Variants in CFAP47 observed in about 807,000 individuals in gnomAD.
CFAP47 encodes cilia and flagella associated protein 47.
In CFAP47, 29 loss-of-function variants were observed where a neutral mutation model predicts 148.1. That is an observed-to-expected ratio of 0.20 (90% CI 0.15 to 0.27). The LOEUF (loss-of-function observed/expected upper bound fraction) is 0.27. Ranked by LOEUF, CFAP47 falls within the 10% of genes least tolerant of loss-of-function variation. CFAP47 has a pLI of 1.00. For missense variants in CFAP47, 1,872 were observed against 1,697.5 expected (o/e 1.10, Z -1.81); for synonymous variants, 664 against 577.3 (o/e 1.15, Z -2.15).
intron 22 of CFAP47, among the ~76,000 whole-genome samples, chrX:36,019,877 AAAC>A (rs1937138367): frequency 8.9e-6 from 1 of 111,894 alleles, no homozygotes; most frequent in Non-Finnish European, 1.9e-5. Flanking sequence ...TAACTCTTCA[AAAC>A]AACAACTTTT....
At chrX:35,921,093 CTAGA>C (rs1438227326) in intron 1 of CFAP47, among the ~76,000 whole-genome samples, 1 of 110,831 alleles carries the variant, frequency 9.0e-6, no homozygotes, top group Non-Finnish European at 1.9e-5. Flanking sequence ...AGATAGATAG[CTAGA>C]TAGATAATCT....
intron 1 of CFAP47, among the ~76,000 whole-genome samples, chrX:35,923,847 G>A (rs962516644): frequency 4.3e-4 from 41 of 95,531 alleles, no homozygotes; most frequent in Admixed American, 2.2e-3. Context: ...ATATATATAT[G>A]TGTGTATATA....
chrX:36,193,807 C>G (rs1555986871), intron 42 of CFAP47, among the ~76,000 whole-genome samples: 1 of 111,571 alleles, frequency 9.0e-6, no homozygotes, highest in Non-Finnish European at 1.9e-5. Flanking sequence ...ATAAGCAGTG[C>G]AGACTTTTTC....
At chrX:36,157,827 T>C (rs988444705) in intron 37 of CFAP47, among the ~76,000 whole-genome samples, 1 of 111,501 alleles carries the variant, frequency 9.0e-6, no homozygotes, top group Non-Finnish European at 1.9e-5. Flanking sequence ...CTGGAAATAG[T>C]CTAAATCACT....
At chrX:36,301,026 A>G (rs1556007723) in intron 52 of CFAP47, 46 bp from the exon 53 acceptor site, 3 of 799,425 alleles carry the variant, frequency 3.8e-6, no homozygotes, top group Admixed American at 5.6e-5. Flanking sequence ...AATTTATTAC[A>G]CAAACTAAAA....
intron 30 of CFAP47, among the ~76,000 whole-genome samples, chrX:36,087,326 G>T (rs1050992805): frequency 8.9e-6 from 1 of 112,340 alleles, no homozygotes; most frequent in African/African-American, 3.2e-5. Flanking sequence ...GCATGGATAG[G>T]TGGGGGTGAA....
chrX:36,153,921 C>T (rs944085247), intron 37 of CFAP47, among the ~76,000 whole-genome samples: 2 of 111,836 alleles, frequency 1.8e-5, no homozygotes, highest in South Asian at 7.5e-4. Context: ...ATTATTCTGT[C>T]TCTCAGGCCC....
chrX:36,032,265 A>G (rs1937288324), intron 23 of CFAP47, among the ~76,000 whole-genome samples: 1 of 110,213 alleles, frequency 9.1e-6, no homozygotes, highest in African/African-American at 3.3e-5. Context: ...CACCAATAGC[A>G]TTCTCTCTTT....
At chrX:36,085,559 A>T in intron 30 of CFAP47, 21 bp downstream of exon 30, 2 of 973,847 alleles carry the variant, frequency 2.1e-6, no homozygotes, top group Non-Finnish European at 2.9e-6. Flanking sequence ...GGATGTGCTC[A>T]TATAAGCATA....
intron 51 of CFAP47, among the ~76,000 whole-genome samples, chrX:36,288,610 C>A (rs1054659036): frequency 8.9e-6 from 1 of 112,357 alleles, no homozygotes; most frequent in South Asian, 3.7e-4. Flanking sequence ...TTATAAACAA[C>A]CTTCAATGAA....
intron 36 of CFAP47, among the ~76,000 whole-genome samples, chrX:36,146,448 T>C (rs1939234351): frequency 8.9e-6 from 1 of 112,124 alleles, no homozygotes; most frequent in South Asian, 3.6e-4. Flanking sequence ...TTGCTAGAAA[T>C]AATGCTCATA....
At chrX:35,975,525 G>T in intron 14 of CFAP47, 147 bp from the exon 15 acceptor site, 1 of 663,332 alleles carries the variant, frequency 1.5e-6, no homozygotes, top group Non-Finnish European at 2.3e-6. Context: ...TAGTTTAGTA[G>T]CAATCTAATT....
At chrX:36,130,362 A>G (rs1478136877) in intron 33 of CFAP47, among the ~76,000 whole-genome samples, 1 of 111,538 alleles carries the variant, frequency 9.0e-6, no homozygotes, top group African/African-American at 3.3e-5. Flanking sequence ...TGCAAATCAA[A>G]ACTACAGTGA....
intron 39 of CFAP47, among the ~76,000 whole-genome samples, chrX:36,168,763 G>C (rs1286091413): frequency 9.0e-6 from 1 of 111,551 alleles, no homozygotes; most frequent in Non-Finnish European, 1.9e-5. Flanking sequence ...CAAATATAAA[G>C]AGTTGCAAAG....
At chrX:36,077,025 T>G (rs1937872227) in intron 29 of CFAP47, among the ~76,000 whole-genome samples, 1 of 109,586 alleles carries the variant, frequency 9.1e-6, no homozygotes, top group African/African-American at 3.3e-5. Flanking sequence ...TTTTGTTGAC[T>G]GTGTTGAAGA....
At chrX:36,235,091 T>G (rs990935704) in intron 46 of CFAP47, among the ~76,000 whole-genome samples, 1 of 111,334 alleles carries the variant, frequency 9.0e-6, no homozygotes, top group South Asian at 3.8e-4. Flanking sequence ...GAGGAGGTAG[T>G]CTGCCCGTTC....
intron 58 of CFAP47, among the ~76,000 whole-genome samples, chrX:36,348,640 G>C (rs1488037843): frequency 9.0e-6 from 1 of 110,759 alleles, no homozygotes; most frequent in African/African-American, 3.3e-5. Flanking sequence ...TAAATAATCA[G>C]TATACAGAGG....
At chrX:36,337,041 A>G (rs1490998209) in intron 57 of CFAP47, among the ~76,000 whole-genome samples, 3 of 112,281 alleles carry the variant, frequency 2.7e-5, no homozygotes, top group African/African-American at 9.7e-5. Context: ...GGTTTCAATT[A>G]TATAGATTTG....
intron 45 of CFAP47, among the ~76,000 whole-genome samples, chrX:36,215,014 A>G (rs782257904): frequency 1.8e-5 from 2 of 111,816 alleles, no homozygotes; most frequent in Non-Finnish European, 3.8e-5. Flanking sequence ...TGAACTGTAC[A>G]TAATTGTATG....
Sources: allele counts gnomAD v4.1 joint callset (sites outside exome capture counted in the v4.1 genomes callset), GRCh38; gene constraint gnomAD v4.1.1; transcripts MANE v1.5; gene names NCBI Gene and HGNC (gene_info 2026-07-23, HGNC 2026-07-21).